Variants in RYR2 observed in about 807,000 individuals in gnomAD.
RYR2 encodes the protein cardiac muscle ryanodine receptor-calcium release channel.
Under a neutral mutation model 601.1 loss-of-function variants are expected in RYR2, and 227 were observed. The ratio of observed to expected loss-of-function variants is 0.38; its 90% CI spans 0.34 to 0.42. The LOEUF (loss-of-function observed/expected upper bound fraction) is 0.42, where lower values mean the gene tolerates loss of function less well. RYR2 is among the 10% of genes least tolerant of loss of function. RYR2 has a pLI of 1.00. For synonymous variants in RYR2, 2,223 were observed against 2,175.1 expected, an observed-to-expected ratio of 1.02 and a Z score of -0.61; for missense variants, 4,646 against 6,156.5, an observed-to-expected ratio of 0.75 and a Z score of 8.21.
At chr1:237,470,732 T>A (rs1660625029) in intron 17 of RYR2, among the ~76,000 whole-genome samples, 1 of 152,114 alleles carries the variant, frequency 6.6e-6, no homozygotes, top group South Asian at 2.1e-4. Flanking sequence ...CTGAGATTCA[T>A]TGTCTTGCAC....
At chr1:237,204,017 T>G (rs1380444810) in intron 1 of RYR2, among the ~76,000 whole-genome samples, 1 of 152,230 alleles carries the variant, frequency 6.6e-6, no homozygotes, top group Non-Finnish European at 1.5e-5. Context: ...GTCATTGTTT[T>G]GTTTTGTTTT....
chr1:237,706,995 G>A lies in RYR2; in HGVS notation c.9627G>A (p.Pro3209=), dbSNP rs377730320. Residue 3209 remains proline (P), a synonymous_variant, in exon 68 of 105, where the codon CCG becomes CCA. Coordinates refer to ENST00000366574, the MANE Select transcript of RYR2 (RefSeq NM_001035.3). Reference sequence around the variant, plus strand: ...TGGAAGATGTTTGTCCAAACATACCGTCTTTGGAGAAACTCATGGAAGAAA... The same window carrying A: ...TGGAAGATGTTTGTCCAAACATACCATCTTTGGAGAAACTCATGGAAGAAA... The part of the protein sequence containing the change: ...TNVEDVCPNI[P]SLEKLMEEIV... 3.1e-6 allele frequency: 5 copies of A among 1,613,710 alleles called. No homozygotes were observed. Among genetic ancestry groups the A allele is most frequent in the African/African-American group, 2.7e-5 (2 of 74,884 alleles).
chr1:237,656,434 T>A (rs1683254987), intron 53 of RYR2, among the ~76,000 whole-genome samples: 1 of 152,218 alleles, frequency 6.6e-6, no homozygotes. Flanking sequence ...TAACAGCTGA[T>A]GTTCAGCATG....
At chr1:237,346,006 G>A (rs1168643809) in intron 3 of RYR2, among the ~76,000 whole-genome samples, 1 of 152,000 alleles carries the variant, frequency 6.6e-6, no homozygotes, top group African/African-American at 2.4e-5. Context: ...TAACATTAAG[G>A]TTTATGCAAC....
At chr1:237,233,625 T>C (rs1056920454) in intron 1 of RYR2, among the ~76,000 whole-genome samples, 5 of 152,162 alleles carry the variant, frequency 3.3e-5, no homozygotes, top group South Asian at 4.1e-4. Flanking sequence ...TCAAGAGTAA[T>C]GGCTATTAGT....
intron 74 of RYR2, among the ~76,000 whole-genome samples, chr1:237,724,222 T>C (rs1439785959): frequency 6.8e-6 from 1 of 147,616 alleles, no homozygotes; most frequent in East Asian, 2.0e-4. Flanking sequence ...TATATATGTA[T>C]GTGTGATAAA....
chr1:237,275,013 T>C (rs1344168222), intron 2 of RYR2, among the ~76,000 whole-genome samples: 14 of 152,018 alleles, frequency 9.2e-5, no homozygotes, highest in Admixed American at 9.2e-4. Flanking sequence ...GACACATTTC[T>C]AGCATGTGTC....
intron 1 of RYR2, among the ~76,000 whole-genome samples, chr1:237,169,981 G>A (rs1677170048): frequency 6.6e-6 from 1 of 152,096 alleles, no homozygotes; most frequent in South Asian, 2.1e-4. Flanking sequence ...GTGGAAAGTT[G>A]TTATTATAGG....
At chr1:237,249,607 T>C (rs762505844) in intron 1 of RYR2, among the ~76,000 whole-genome samples, 1 of 152,218 alleles carries the variant, frequency 6.6e-6, no homozygotes, top group Admixed American at 6.5e-5. Context: ...TATTCCAAGG[T>C]TGACCATCTA....
chr1:237,181,282 C>A (rs1271615100), intron 1 of RYR2, among the ~76,000 whole-genome samples: 1 of 152,334 alleles, frequency 6.6e-6, no homozygotes, highest in African/African-American at 2.4e-5. Context: ...CCACACCTGG[C>A]AGCTAAGCAC....
In RYR2 at chr1:237,503,427, T is replaced by G. The variant is rs1232184822; in HGVS notation, c.2535T>G (p.Thr845=). 3 of 1,613,896 alleles carry G rather than the reference T, an allele frequency of 1.9e-6. No homozygotes were observed. The South Asian group carries it at 3.3e-5, about 18-fold the overall frequency. ...EHSREYKQER[T]YTRDLLGPTV... is the part of the protein sequence containing the mutation. ...GCCGAGAGTACAAGCAAGAAAGAAC[T>G]TACACACGCGACCTGCTGGGCCCCA... Residue 845 remains threonine (T), a synonymous_variant, in exon 22 of 105, where the codon ACT becomes ACG. Coordinates refer to ENST00000366574, the MANE Select transcript of RYR2 (RefSeq NM_001035.3).
chr1:237,487,766 C>G (rs995373490), intron 17 of RYR2, among the ~76,000 whole-genome samples: 2 of 150,772 alleles, frequency 1.3e-5, no homozygotes, highest in African/African-American at 4.9e-5. Context: ...CAGGGTTATT[C>G]TTGAGGTATT....
chr1:237,684,860 C>T (rs1573512065), intron 62 of RYR2, among the ~76,000 whole-genome samples: 1 of 149,614 alleles, frequency 6.7e-6, no homozygotes, highest in South Asian at 2.1e-4. Context: ...TTTTGAATAC[C>T]CTGGAGAATT....
At chr1:237,546,545 T>C (rs1669824171) in intron 25 of RYR2, among the ~76,000 whole-genome samples, 1 of 151,948 alleles carries the variant, frequency 6.6e-6, no homozygotes, top group African/African-American at 2.4e-5. Context: ...GCCCAGCTAA[T>C]TGTTTTGTAT....
chr1:237,508,940 C>T (rs1665585665), intron 23 of RYR2, among the ~76,000 whole-genome samples: 1 of 151,456 alleles, frequency 6.6e-6, no homozygotes, highest in Non-Finnish European at 1.5e-5. Flanking sequence ...GACGGGGTTT[C>T]ACCGTGTTAG....
chr1:237,548,467 G>A lies in RYR2; in HGVS notation c.2943G>A (p.Met981Ile). The change falls in exon 26 of 105, where the codon ATG becomes ATA. Residue 981 changes from methionine (M) to isoleucine (I), a missense_variant. Met to Ile is a conservative substitution (Grantham distance 10, BLOSUM62 1). Transcript: ENST00000366574. ...CAAGTGGATACAAGCCTGCCCCTAT[G>A]GACCTGAGCTTTATCAAACTCACCC... is the stretch of plus-strand genomic sequence containing the variant. ...QLTSGYKPAPMDLSFIKLTPS... is the reference protein window; with the variant it reads ...QLTSGYKPAPIDLSFIKLTPS... 1 of 1,613,940 alleles carries A rather than the reference G, an allele frequency of 6.2e-7. No homozygotes were observed. Among genetic ancestry groups the A allele is most frequent in the Non-Finnish European group, 8.5e-7 (1 of 1,179,876 alleles).
At chr1:237,588,196 T>A (rs1306328577) in intron 29 of RYR2, among the ~76,000 whole-genome samples, 1 of 152,182 alleles carries the variant, frequency 6.6e-6, no homozygotes, top group Non-Finnish European at 1.5e-5. Flanking sequence ...GCTGGATATG[T>A]TCTTTTTTCC....
At chr1:237,689,181 T>C (rs1686717824) in intron 63 of RYR2, among the ~76,000 whole-genome samples, 1 of 152,166 alleles carries the variant, frequency 6.6e-6, no homozygotes, top group African/African-American at 2.4e-5. Context: ...GATGGATGGA[T>C]CACTTGAGCC....
chr1:237,236,650 A>T (rs576179362), intron 1 of RYR2, among the ~76,000 whole-genome samples: 1 of 152,236 alleles, frequency 6.6e-6, no homozygotes, highest in Non-Finnish European at 1.5e-5. Context: ...GGAAGTGAGC[A>T]GGCAGCAAAC....
Sources: gnomAD v4.1 joint callset for allele counts (sites outside exome capture counted in the v4.1 genomes callset) on GRCh38, gnomAD v4.1.1 for gene constraint, MANE v1.5 for transcripts, NCBI Gene and HGNC (gene_info 2026-07-23, HGNC 2026-07-21) for gene names.